FSHR: variants seen among roughly 807,000 people sequenced by gnomAD.
FSHR encodes the protein follicle stimulating hormone receptor.
FSHR carries 46 observed loss-of-function variants against 52.1 expected under a neutral mutation model. The ratio of observed to expected loss-of-function variants is 0.88; its 90% CI spans 0.70 to 1.13. FSHR has a LOEUF of 1.13. Among genes scored for constraint, FSHR ranks in the 50% most tolerant of loss-of-function variants. The pLI, the probability that FSHR is intolerant of heterozygous loss-of-function variation, is 0.00. For missense variants in FSHR, 964 were observed against 834.6 expected (o/e 1.16, Z -1.91); for synonymous variants, 399 against 309.6 (o/e 1.29, Z -3.03).
chr2:48,975,808 G>A (rs975733881), intron 8 of FSHR, among the ~76,000 whole-genome samples: 1 of 152,254 alleles, frequency 6.6e-6, no homozygotes, highest in South Asian at 2.1e-4. Flanking sequence ...TGGTGTATAG[G>A]AATGCTTGTG....
intron 1 of FSHR, among the ~76,000 whole-genome samples, chr2:49,074,761 A>T (rs1198799685): frequency 6.7e-6 from 1 of 148,826 alleles, no homozygotes; most frequent in Non-Finnish European, 1.5e-5. Flanking sequence ...TAGCTAAGGT[A>T]TGGAATCAAC....
chr2:49,136,184 A>G (rs557251772), intron 1 of FSHR, among the ~76,000 whole-genome samples: 5 of 152,286 alleles, frequency 3.3e-5, no homozygotes, highest in Admixed American at 2.6e-4. Context: ...AAGATATGGT[A>G]TTACTACTCA....
chr2:49,071,649 CTAAG>C (rs1370639454), intron 1 of FSHR, among the ~76,000 whole-genome samples: 2 of 152,060 alleles, frequency 1.3e-5, no homozygotes, highest in Non-Finnish European at 2.9e-5. Context: ...ATACTTGAAA[CTAAG>C]TAATTTATAA....
chr2:48,971,947 C>G (rs1025847286), intron 8 of FSHR, among the ~76,000 whole-genome samples: 1 of 152,298 alleles, frequency 6.6e-6, no homozygotes, highest in African/African-American at 2.4e-5. Flanking sequence ...TCAATCTTCA[C>G]TTACTCTGCA....
intron 1 of FSHR, among the ~76,000 whole-genome samples, chr2:49,132,945 C>T (rs539724581): frequency 1.1e-5 from 1 of 89,096 alleles, no homozygotes; most frequent in South Asian, 3.9e-4. Context: ...CACATTTATT[C>T]AAGAACATTT....
At chr2:49,149,876 G>A (rs1458620941) in intron 1 of FSHR, among the ~76,000 whole-genome samples, 1 of 152,026 alleles carries the variant, frequency 6.6e-6, no homozygotes, top group Non-Finnish European at 1.5e-5. Flanking sequence ...TAAGGACAAG[G>A]TTTAACACAG....
chr2:48,968,306 C>T (rs899258810), intron 9 of FSHR, among the ~76,000 whole-genome samples: 1 of 152,192 alleles, frequency 6.6e-6, no homozygotes, highest in Non-Finnish European at 1.5e-5. Flanking sequence ...TGCATCTCCC[C>T]ACCAAAGATG....
At chr2:49,114,072 G>A (rs958511930) in intron 1 of FSHR, among the ~76,000 whole-genome samples, 6 of 152,072 alleles carry the variant, frequency 3.9e-5, no homozygotes, top group African/African-American at 1.4e-4. Flanking sequence ...TATACTCCCA[G>A]CCTCTCTCAC....
intron 8 of FSHR, among the ~76,000 whole-genome samples, chr2:48,979,973 A>G (rs1469339479): frequency 2.6e-5 from 4 of 152,192 alleles, no homozygotes; most frequent in African/African-American, 9.7e-5. Flanking sequence ...GCACACCTAC[A>G]CAAGCACCTC....
chr2:48,974,807 G>T (rs1375808259), intron 8 of FSHR, among the ~76,000 whole-genome samples: 1 of 152,128 alleles, frequency 6.6e-6, no homozygotes, highest in Non-Finnish European at 1.5e-5. Flanking sequence ...CTTGGCTAGA[G>T]ACTTAACTAT....
At position 48,963,095 on chromosome 2, in the gene FSHR, T is replaced by A; in HGVS notation, c.1726A>T (p.Met576Leu). 1 of 1,614,042 alleles carries A rather than the reference T, an allele frequency of 6.2e-7. No individual in the cohort carries two copies. Among genetic ancestry groups the A allele is most frequent in the South Asian group, 1.1e-5 (1 of 91,066 alleles). Residue 576 changes from methionine (M) to leucine (L), a missense_variant, in exon 10 of 10, where the codon ATG (methionine) becomes TTG (leucine). Transcript: ENST00000406846. The stretch of plus-strand genomic sequence containing the variant: ...CAGAGGAAGTCAGTGAAGATGAGCA[T>A]GGCCATGCGCTTGGCGATCCTGGTG... The part of the protein sequence containing the change: ...SDTRIAKRMA[M>L]LIFTDFLCMA...
chr2:48,983,951 T>C (rs1675373202), intron 6 of FSHR, among the ~76,000 whole-genome samples: 1 of 152,068 alleles, frequency 6.6e-6, no homozygotes, highest in African/African-American at 2.4e-5. Flanking sequence ...CTTGCTCTGC[T>C]CCTGAGTGGA....
intron 7 of FSHR, 51 bp downstream of exon 7, chr2:48,983,047 T>C: frequency 6.2e-7 from 1 of 1,609,192 alleles, no homozygotes; most frequent in Non-Finnish European, 8.5e-7. Context: ...ATTGCTGTTG[T>C]AAGAGCCATT....
At position 48,963,102 on chromosome 2, in the gene FSHR, G is replaced by C. The variant is rs1480729535; in HGVS notation, c.1719C>G (p.Arg573=). The C allele has an allele frequency of 3.1e-6, 5 of 1,613,998 alleles. No homozygotes were observed. In the South Asian group the frequency reaches 3.3e-5, roughly 11 times the overall value. Residue 573 remains arginine (R), a synonymous_variant, in exon 10 of 10, where the codon CGC becomes CGG. Transcript: ENST00000406846. ...SSSSDTRIAK[R]MAMLIFTDFL... ...AGTCAGTGAAGATGAGCATGGCCATGCGCTTGGCGATCCTGGTGTCACTAG... is the reference window on the plus strand; with the variant it reads ...AGTCAGTGAAGATGAGCATGGCCATCCGCTTGGCGATCCTGGTGTCACTAG...
intron 1 of FSHR, among the ~76,000 whole-genome samples, chr2:49,143,219 C>G (rs1157876): frequency 6.6e-6 from 1 of 151,954 alleles, no homozygotes; most frequent in Non-Finnish European, 1.5e-5. Flanking sequence ...AAAGTTTTGC[C>G]TGAGCTATAG....
At chr2:48,989,513 C>A (rs1466638884) in intron 5 of FSHR, among the ~76,000 whole-genome samples, 1 of 152,172 alleles carries the variant, frequency 6.6e-6, no homozygotes, top group Non-Finnish European at 1.5e-5. Flanking sequence ...AAACCCTGTG[C>A]TTAAGTGATC....
chr2:49,084,153 C>A (rs550986358), intron 1 of FSHR, among the ~76,000 whole-genome samples: 2 of 152,280 alleles, frequency 1.3e-5, no homozygotes, highest in African/African-American at 4.8e-5. Context: ...ATCTCTCAGA[C>A]CACAGTGCAA....
At chr2:49,008,779 G>C (rs2104174659) in intron 4 of FSHR, among the ~76,000 whole-genome samples, 1 of 145,104 alleles carries the variant, frequency 6.9e-6, no homozygotes, top group Middle Eastern at 3.5e-3. Context: ...GATGGCCAGT[G>C]ATGATGAGCA....
intron 2 of FSHR, among the ~76,000 whole-genome samples, chr2:49,036,047 G>T (rs1668261147): frequency 6.6e-6 from 1 of 152,140 alleles, no homozygotes. Context: ...TACATGGATA[G>T]GTAGATATAG....
Sources: gnomAD v4.1 joint callset for allele counts (sites outside exome capture counted in the v4.1 genomes callset) on GRCh38, gnomAD v4.1.1 for gene constraint, MANE v1.5 for transcripts, NCBI Gene and HGNC (gene_info 2026-07-23, HGNC 2026-07-21) for gene names.